Variants in VPS53 observed in about 807,000 individuals in gnomAD.
VPS53 encodes the protein VPS53 subunit of GARP complex, also known as vacuolar protein sorting-associated protein 53 homolog.
Under a neutral mutation model 107.0 loss-of-function variants are expected in VPS53, and 70 were observed. That is an observed-to-expected ratio of 0.65 (90% CI 0.54 to 0.80). The LOEUF (loss-of-function observed/expected upper bound fraction) is 0.80. Ranked by LOEUF, VPS53 falls within the 30% of genes least tolerant of loss-of-function variation. The pLI is 0.00. For synonymous variants in VPS53, 409 were observed against 393.3 expected (o/e 1.04, Z -0.47); for missense variants, 917 against 1,049.4 (o/e 0.87, Z 1.74).
intron 7 of VPS53, among the ~76,000 whole-genome samples, chr17:638,346 C>A (rs150727958): frequency 6.6e-6 from 1 of 152,042 alleles, no homozygotes; most frequent in Admixed American, 6.6e-5. Context: ...TACAGCACAC[C>A]GATGGGTCTT....
At chr17:543,042 A>T (rs1005648327) in intron 17 of VPS53, among the ~76,000 whole-genome samples, 4 of 152,210 alleles carry the variant, frequency 2.6e-5, no homozygotes, top group African/African-American at 9.6e-5. Flanking sequence ...ATAATGGGAA[A>T]AATCTTTTTT....
At chr17:651,038 TACAC>T (rs1245228625) in intron 7 of VPS53, among the ~76,000 whole-genome samples, 2 of 152,236 alleles carry the variant, frequency 1.3e-5, no homozygotes, top group East Asian at 1.9e-4. Flanking sequence ...TTTATATAAA[TACAC>T]ACACAAATCC....
chr17:691,207 T>C (rs1367959525), intron 4 of VPS53, among the ~76,000 whole-genome samples: 1 of 152,160 alleles, frequency 6.6e-6, no homozygotes, highest in Non-Finnish European at 1.5e-5. Flanking sequence ...GAAGCTGTAG[T>C]AAGGAAAAGG....
At chr17:572,590 G>A (rs1184296984) in intron 13 of VPS53, among the ~76,000 whole-genome samples, 3 of 151,876 alleles carry the variant, frequency 2.0e-5, no homozygotes, top group African/African-American at 4.8e-5. Flanking sequence ...ATAGAAAGGC[G>A]GGAAAGGTGG....
intron 6 of VPS53, among the ~76,000 whole-genome samples, chr17:653,686 T>C (rs926522902): frequency 2.0e-5 from 3 of 152,228 alleles, no homozygotes; most frequent in Admixed American, 1.3e-4. Context: ...GTACAAATTA[T>C]GTGCTACGGC....
intron 11 of VPS53, among the ~76,000 whole-genome samples, chr17:609,645 TG>T (rs1968750008): frequency 6.6e-6 from 1 of 152,170 alleles, no homozygotes. Flanking sequence ...TAACTGCATT[TG>T]GAAGAACAGA....
intron 12 of VPS53, among the ~76,000 whole-genome samples, chr17:598,929 C>T (rs1317510587): frequency 3.2e-5 from 1 of 31,606 alleles, no homozygotes; most frequent in African/African-American, 1.1e-4. Context: ...GGCGCCTCTG[C>T]CCAGCCGCCC....
rs1597445437 is a variant in VPS53 at position 655,966 on chromosome 17, A to C, written c.373-13T>G. 2 of 1,606,614 alleles carry C rather than the reference A, an allele frequency of 1.2e-6. No individual in the cohort carries two copies. Among genetic ancestry groups the C allele is most frequent in the Non-Finnish European group, 8.5e-7 (1 of 1,174,848 alleles). ...TGATTTCTTTCACCTAAACATTGAAAAACCACAAGAAAGAAAGGAAGACGG... is the reference window on the plus strand; with the variant it reads ...TGATTTCTTTCACCTAAACATTGAACAACCACAAGAAAGAAAGGAAGACGG... On this transcript the variant is annotated splice_polypyrimidine_tract_variant and intron_variant, in intron 5 of 21. Transcript: ENST00000437048.
At chr17:561,831 T>C (rs1913029543) in intron 14 of VPS53, among the ~76,000 whole-genome samples, 1 of 152,150 alleles carries the variant, frequency 6.6e-6, no homozygotes, top group Non-Finnish European at 1.5e-5. Context: ...GGTTTCACCA[T>C]ATTAGCCAGG....
At position 707,293 on chromosome 17, in the gene VPS53, G is replaced by A. The variant is rs954115741; in HGVS notation, c.168+3240C>T. Among the ~76,000 whole-genome samples, 10 of 152,284 alleles carry A rather than the reference G, an allele frequency of 6.6e-5. No individual in the cohort carries two copies. In the South Asian group the frequency reaches 1.2e-3, roughly 19 times the overall value. ...TCCCAGCACTTTGGGAGGCCGAGGCGGGCGGATCACCTGAGGTCAGGAATT... is the reference window on the plus strand; with the variant it reads ...TCCCAGCACTTTGGGAGGCCGAGGCAGGCGGATCACCTGAGGTCAGGAATT... On this transcript the variant is annotated intron_variant, in intron 2 of 21. Coordinates refer to ENST00000437048, the MANE Select transcript of VPS53 (RefSeq NM_001128159.3).
intron 17 of VPS53, among the ~76,000 whole-genome samples, chr17:547,924 A>G (rs1911368509): frequency 6.6e-6 from 1 of 152,194 alleles, no homozygotes; most frequent in Non-Finnish European, 1.5e-5. Flanking sequence ...CCAACTGTAT[A>G]CTTTAAAAGG....
At chr17:598,762 C>A (rs1316230362) in intron 12 of VPS53, among the ~76,000 whole-genome samples, 2 of 126,708 alleles carry the variant, frequency 1.6e-5, no homozygotes, top group Non-Finnish European at 3.4e-5. Context: ...CCCCTCCGCC[C>A]GGCAGCCGCC....
At chr17:551,193 T>G (rs1460245436) in intron 17 of VPS53, among the ~76,000 whole-genome samples, 1 of 152,074 alleles carries the variant, frequency 6.6e-6, no homozygotes, top group Non-Finnish European at 1.5e-5. Flanking sequence ...TGACATTCAT[T>G]TGGGAAAAAA....
chr17:598,491 G>C (rs1039312613), intron 12 of VPS53, among the ~76,000 whole-genome samples: 6 of 151,680 alleles, frequency 4.0e-5, no homozygotes, highest in African/African-American at 1.2e-4. Context: ...TCTCCGCCCG[G>C]CCGCCATCCC....
At chr17:711,710 C>T (rs759581434) in intron 1 of VPS53, among the ~76,000 whole-genome samples, 1 of 151,968 alleles carries the variant, frequency 6.6e-6, no homozygotes, top group Non-Finnish European at 1.5e-5. Context: ...TGTAACAAGG[C>T]TCCTAACAAA....
At chr17:645,165 G>A (rs986035885) in intron 7 of VPS53, among the ~76,000 whole-genome samples, 1 of 152,170 alleles carries the variant, frequency 6.6e-6, no homozygotes, top group African/African-American at 2.4e-5. Context: ...AGTACAGGCA[G>A]CAAAAGCAAA....
intron 11 of VPS53, among the ~76,000 whole-genome samples, chr17:620,440 G>T (rs1385747291): frequency 6.6e-6 from 1 of 152,228 alleles, no homozygotes; most frequent in Non-Finnish European, 1.5e-5. Flanking sequence ...TTGAACAAGT[G>T]AGTGGGACTC....
intron 2 of VPS53, among the ~76,000 whole-genome samples, chr17:707,916 C>T (rs1973481185): frequency 6.6e-6 from 1 of 151,702 alleles, no homozygotes; most frequent in Non-Finnish European, 1.5e-5. Flanking sequence ...AAAAAACTGG[C>T]AACGATAAGC....
chr17:517,349 A>G lies in VPS53; in HGVS notation c.*1779T>C. 5.0e-6 allele frequency: 2 copies of G among 398,722 alleles called. No homozygotes were observed. The highest frequency in any genetic ancestry group is 8.9e-6 in the Non-Finnish European group (2 of 225,976). 24.7% of individuals were successfully genotyped at this position (398,722 alleles called of 1,614,324 possible). A position where few individuals can be genotyped will look rare whatever the true frequency, so the allele number is the denominator to read the frequency against. On this transcript the variant is annotated 3_prime_UTR_variant, in exon 22 of 22. Coordinates refer to ENST00000437048, the MANE Select transcript of VPS53 (RefSeq NM_001128159.3). Reference sequence around the variant, plus strand: ...CGATGAAGAAATGACACTCAGGATCAGAGCTGGACGGCATCGGGGAGAAAG... The same window carrying G: ...CGATGAAGAAATGACACTCAGGATCGGAGCTGGACGGCATCGGGGAGAAAG...
Sources: gnomAD v4.1 joint callset for allele counts (sites outside exome capture counted in the v4.1 genomes callset) on GRCh38, gnomAD v4.1.1 for gene constraint, MANE v1.5 for transcripts, NCBI Gene and HGNC (gene_info 2026-07-23, HGNC 2026-07-21) for gene names.